PCDHA13: variants seen among roughly 807,000 people sequenced by gnomAD.
PCDHA13 encodes protocadherin alpha 13.
A neutral mutation model predicts 64.8 loss-of-function variants in PCDHA13; 54 were observed. The ratio of observed to expected loss-of-function variants is 0.83; its 90% CI spans 0.67 to 1.04. The LOEUF is 1.04. Among genes scored for constraint, PCDHA13 ranks in the 50% least tolerant of loss-of-function variants. The probability of loss-of-function intolerance (pLI) is 0.00; values close to 1 mark genes in which losing one functional copy is unlikely to be tolerated. For missense variants in PCDHA13, 1,248 were observed against 1,254.3 expected (o/e 0.99, Z 0.08); for synonymous variants, 587 against 564.4 (o/e 1.04, Z -0.57).
chr5:140,898,528 TG>T (rs2066807286), intron 1 of PCDHA13, among the ~76,000 whole-genome samples: 1 of 152,236 alleles, frequency 6.6e-6, no homozygotes, highest in African/African-American at 2.4e-5. Flanking sequence ...CTGAGGGCTC[TG>T]TTCTGTTCCA....
rs781792274 is a variant in PCDHA13, at chr5:140,927,895, G to A, written c.2394+43233G>A. The A allele has an allele frequency of 4.3e-5, 70 of 1,614,074 alleles. No homozygotes were observed. The highest frequency in any genetic ancestry group is 5.3e-5 in the Non-Finnish European group (62 of 1,180,048). On this transcript the variant is annotated intron_variant, in intron 1 of 3. Coordinates refer to ENST00000289272, the MANE Select transcript of PCDHA13 (RefSeq NM_018904.3). ...GCTGGTGGAGGTGACTGACGTGAACGATCATGCCCCCGAACTGGACTTCCT... is the reference window on the plus strand; with the variant it reads ...GCTGGTGGAGGTGACTGACGTGAACAATCATGCCCCCGAACTGGACTTCCT...
intron 3 of PCDHA13, among the ~76,000 whole-genome samples, chr5:140,991,829 G>A (rs530610195): frequency 3.3e-5 from 5 of 152,196 alleles, no homozygotes; most frequent in South Asian, 2.1e-4. Flanking sequence ...CATTTATAAC[G>A]GCAGAACCGC....
intron 1 of PCDHA13, chr5:140,967,797 C>T: frequency 6.2e-7 from 1 of 1,614,184 alleles, no homozygotes; most frequent in East Asian, 2.2e-5. Flanking sequence ...GGTCCAGTGC[C>T]CATGGCAGGT....
intron 1 of PCDHA13, among the ~76,000 whole-genome samples, chr5:140,898,087 T>C (rs1480771668): frequency 2.6e-5 from 4 of 152,150 alleles, no homozygotes; most frequent in Non-Finnish European, 5.9e-5. Flanking sequence ...TTCTGGATAT[T>C]AGCCCTTTGT....
At chr5:140,888,544 C>T (rs1295573540) in intron 1 of PCDHA13, among the ~76,000 whole-genome samples, 1 of 152,140 alleles carries the variant, frequency 6.6e-6, no homozygotes, top group Non-Finnish European at 1.5e-5. Flanking sequence ...TGCTCAGTAC[C>T]AATTTATTCC....
chr5:140,889,497 A>G (rs1024054854), intron 1 of PCDHA13, among the ~76,000 whole-genome samples: 1 of 152,188 alleles, frequency 6.6e-6, no homozygotes, highest in South Asian at 2.1e-4. Flanking sequence ...ATCTATAGTG[A>G]TATTTCCCTT....
chr5:141,000,395 C>CTCTATAAA (rs1213762225), intron 3 of PCDHA13, among the ~76,000 whole-genome samples: 2 of 53,986 alleles, frequency 3.7e-5, no homozygotes, highest in African/African-American at 1.5e-4. Context: ...CTCTCTCTCT[C>CTCTATAAA]TATATATATA....
chr5:140,927,920 T>G (rs782193396), intron 1 of PCDHA13: 1 of 1,614,120 alleles, frequency 6.2e-7, no homozygotes, highest in Non-Finnish European at 8.5e-7. Flanking sequence ...CTGGACTTCC[T>G]GACTCTTTCG....
intron 1 of PCDHA13, among the ~76,000 whole-genome samples, chr5:140,902,299 A>G (rs2069363932): frequency 6.6e-6 from 1 of 150,916 alleles, no homozygotes; most frequent in Admixed American, 6.6e-5. Flanking sequence ...CAGCCTCCCA[A>G]AGTGCTGGGA....
At chr5:140,968,612 C>A (rs782101758) in intron 1 of PCDHA13, 2 of 1,614,204 alleles carry the variant, frequency 1.2e-6, no homozygotes, top group East Asian at 2.2e-5. Flanking sequence ...AGACTCTGGG[C>A]AAAATGCTTG....
At chr5:141,004,497 T>C (rs2098168493) in intron 3 of PCDHA13, among the ~76,000 whole-genome samples, 1 of 152,218 alleles carries the variant, frequency 6.6e-6, no homozygotes, top group South Asian at 2.1e-4. Context: ...TTGGCAGTCC[T>C]GCTGTGAGGG....
At chr5:140,969,459 G>A (rs1554231863) in intron 1 of PCDHA13, 1 of 1,503,404 alleles carries the variant, frequency 6.7e-7, no homozygotes, top group Non-Finnish European at 8.9e-7. Flanking sequence ...AGTATATATA[G>A]TATCCACAAT....
At chr5:140,914,016 G>A (rs1344982730) in intron 1 of PCDHA13, among the ~76,000 whole-genome samples, 2 of 152,140 alleles carry the variant, frequency 1.3e-5, no homozygotes, top group Non-Finnish European at 2.9e-5. Flanking sequence ...CTTTGAGAAT[G>A]ATCCACGTGC....
chr5:140,981,691 T>C (rs1370541525), intron 2 of PCDHA13, among the ~76,000 whole-genome samples: 1 of 150,826 alleles, frequency 6.6e-6, no homozygotes, highest in East Asian at 2.1e-4. Flanking sequence ...CCTTCCATCA[T>C]TCATTCATTC....
At chr5:140,962,676 G>C (rs1201696145) in intron 1 of PCDHA13, among the ~76,000 whole-genome samples, 1 of 152,126 alleles carries the variant, frequency 6.6e-6, no homozygotes, top group Non-Finnish European at 1.5e-5. Context: ...CCATCCACTG[G>C]ATGTTTTATC....
chr5:140,992,436 G>A (rs782486395), intron 3 of PCDHA13, among the ~76,000 whole-genome samples: 10 of 152,186 alleles, frequency 6.6e-5, no homozygotes, highest in Non-Finnish European at 1.3e-4. Flanking sequence ...TGTTCCAAGA[G>A]TTGGGAGCAG....
intron 1 of PCDHA13, chr5:140,928,814 A>T (rs782622875): frequency 5.6e-6 from 9 of 1,614,150 alleles, no homozygotes; most frequent in Non-Finnish European, 7.6e-6. Context: ...GTTCGGGACC[A>T]TGGAGACCCA....
At chr5:140,979,257 C>T (rs1454477008) in intron 2 of PCDHA13, among the ~76,000 whole-genome samples, 1 of 152,194 alleles carries the variant, frequency 6.6e-6, no homozygotes, top group Non-Finnish European at 1.5e-5. Flanking sequence ...TATGTATTTT[C>T]TCCCATCAAA....
chr5:141,009,584 A>G, intron 3 of PCDHA13, 43 bp from the exon 4 acceptor site: 1 of 1,592,004 alleles, frequency 6.3e-7, no homozygotes, highest in Non-Finnish European at 8.6e-7. Context: ...CATCAAGAGC[A>G]TGTGTTGACC....
Sources: gnomAD v4.1 joint callset for allele counts (sites outside exome capture counted in the v4.1 genomes callset) on GRCh38, gnomAD v4.1.1 for gene constraint, MANE v1.5 for transcripts, NCBI Gene and HGNC (gene_info 2026-07-23, HGNC 2026-07-21) for gene names.